AKAP7: variants seen among roughly 807,000 people sequenced by gnomAD.
AKAP7 encodes the protein A kinase (PRKA) anchor protein 7.
In AKAP7, 39 loss-of-function variants were observed where a neutral mutation model predicts 39.5. The ratio of observed to expected loss-of-function variants is 0.99; its 90% CI spans 0.76 to 1.29. AKAP7 has a LOEUF of 1.29. Among genes scored for constraint, AKAP7 ranks in the 50% most tolerant of loss-of-function variants. The probability of loss-of-function intolerance (pLI) is 0.00; values close to 1 mark genes in which losing one functional copy is unlikely to be tolerated. For synonymous variants in AKAP7, 140 were observed against 139.1 expected (o/e 1.01, Z -0.05); for missense variants, 414 against 407.7 (o/e 1.02, Z -0.13).
intron 7 of AKAP7, among the ~76,000 whole-genome samples, chr6:131,246,434 A>G (rs1434539950): frequency 1.3e-5 from 2 of 152,118 alleles, no homozygotes; most frequent in South Asian, 2.1e-4. Context: ...CATATCAGAT[A>G]TTTTTCCTCA....
chr6:131,226,545 A>G (rs1810182638), intron 7 of AKAP7, among the ~76,000 whole-genome samples: 1 of 152,240 alleles, frequency 6.6e-6, no homozygotes. Context: ...TTTTAGGATT[A>G]TGAAAGCTGT....
intron 5 of AKAP7, among the ~76,000 whole-genome samples, chr6:131,173,059 G>A (rs999373986): frequency 3.7e-4 from 56 of 152,006 alleles, no homozygotes; most frequent in African/African-American, 1.2e-3. Flanking sequence ...CAAAAAATTA[G>A]CAGGGTGTGA....
intron 7 of AKAP7, among the ~76,000 whole-genome samples, chr6:131,245,374 A>G (rs1393080087): frequency 2.7e-5 from 4 of 150,688 alleles, no homozygotes; most frequent in Admixed American, 6.6e-5. Flanking sequence ...CATCCCGAGT[A>G]GCTGGGATTA....
chr6:131,270,187 A>T (rs927585726), intron 7 of AKAP7, among the ~76,000 whole-genome samples: 1 of 152,234 alleles, frequency 6.6e-6, no homozygotes, highest in Non-Finnish European at 1.5e-5. Flanking sequence ...GATTGTGAAC[A>T]GTTCCATCAC....
chr6:131,254,677 A>G (rs1812704431), intron 7 of AKAP7, among the ~76,000 whole-genome samples: 1 of 152,210 alleles, frequency 6.6e-6, no homozygotes, highest in South Asian at 2.1e-4. Context: ...TAAGGACATC[A>G]CCTTCTAGGG....
At chr6:131,129,053 G>A in the AKAP7 span, among the ~76,000 whole-genome samples, 2 of 151,948 alleles carry the variant, frequency 1.3e-5, no homozygotes, top group African/African-American at 4.8e-5. Context: ...TTGGGAGGCC[G>A]AGGTGGGTGG....
Position 131,198,027 on chromosome 6 carries a change from A to C in AKAP7, c.590-1434A>C, listed in dbSNP as rs559744841. Among the ~76,000 whole-genome samples the C allele has an allele frequency of 2.0e-4, 30 of 152,268 alleles. 1 individual carries two copies. The South Asian group carries it at 6.2e-3, about 32-fold the overall frequency. Reference sequence around the variant, plus strand: ...AGCATTTTCTTTGAAACATATGACTACTTGAGATAATGGGAGTGCTAGAAG... The same window carrying C: ...AGCATTTTCTTTGAAACATATGACTCCTTGAGATAATGGGAGTGCTAGAAG... On this transcript the variant is annotated intron_variant, in intron 5 of 7. Transcript: ENST00000431975.
At chr6:131,240,823 G>T (rs1197409827) in intron 7 of AKAP7, among the ~76,000 whole-genome samples, 2 of 152,182 alleles carry the variant, frequency 1.3e-5, no homozygotes, top group East Asian at 3.9e-4. Flanking sequence ...TCTTTGACTG[G>T]GAAAGGGAAT....
chr6:131,169,152 A>G lies in AKAP7; in HGVS notation c.468A>G (p.Glu156=), dbSNP rs779460663. 59 of 1,613,554 alleles carry G rather than the reference A, an allele frequency of 3.7e-5. No homozygotes were observed. The highest frequency in any genetic ancestry group is 4.6e-5 in the Non-Finnish European group (54 of 1,179,668). ...DALLELKPFI[E]ELLQGKHLTL... The stretch of plus-strand genomic sequence containing the variant: ...TTTTGGAATTGAAACCATTCATAGA[A>G]GAACTCCTCCAGGGAAAACATTTGA... The change falls in exon 5 of 8, where the codon GAA becomes GAG. Residue 156 remains glutamate, a synonymous_variant. Coordinates refer to ENST00000431975, the MANE Select transcript of AKAP7 (RefSeq NM_016377.4).
chr6:131,245,439 G>T (rs567135782), intron 7 of AKAP7, among the ~76,000 whole-genome samples: 94 of 141,756 alleles, frequency 6.6e-4, no homozygotes, highest in South Asian at 1.8e-3. Flanking sequence ...TTTGTTTTTG[G>T]TTTTTTTTTT....
At position 131,248,556 on chromosome 6, in the gene AKAP7, G is replaced by T. The variant is rs1812214424; in HGVS notation, c.850+28748G>T. ...AAAATCATATAATGCTAGTACTGTA[G>T]AGGATCCTAATATGCCTACTGCCTT... On this transcript the variant is annotated intron_variant, in intron 7 of 7. Coordinates refer to ENST00000431975, the MANE Select transcript of AKAP7 (RefSeq NM_016377.4). Among the ~76,000 whole-genome samples, 5 of 152,172 alleles carry T rather than the reference G, an allele frequency of 3.3e-5. No individual in the cohort carries two copies. In the South Asian group the frequency reaches 1.0e-3, roughly 32 times the overall value.
intron 5 of AKAP7, among the ~76,000 whole-genome samples, chr6:131,170,373 A>C (rs1383432770): frequency 6.6e-6 from 1 of 152,160 alleles, no homozygotes; most frequent in African/African-American, 2.4e-5. Context: ...AAAAGAAAAA[A>C]AAAATAATAA....
intron 4 of AKAP7, among the ~76,000 whole-genome samples, chr6:131,168,253 TA>T (rs568913891): frequency 2.0e-5 from 3 of 150,456 alleles, no homozygotes; most frequent in African/African-American, 4.9e-5. Flanking sequence ...TATAAATAAT[TA>T]AAAAAAAATA....
At chr6:131,249,717 C>A (rs1421552301) in intron 7 of AKAP7, among the ~76,000 whole-genome samples, 3 of 152,122 alleles carry the variant, frequency 2.0e-5, no homozygotes, top group African/African-American at 7.2e-5. Context: ...TGTTTTGCTG[C>A]CCCTGAATTT....
At chr6:131,166,353 G>A (rs1285427432) in intron 4 of AKAP7, among the ~76,000 whole-genome samples, 1 of 151,204 alleles carries the variant, frequency 6.6e-6, no homozygotes, top group Admixed American at 6.6e-5. Flanking sequence ...GTTGAGAGAA[G>A]GGAGTAGTGC....
intron 3 of AKAP7, among the ~76,000 whole-genome samples, chr6:131,162,296 C>T (rs1340645931): frequency 6.6e-6 from 1 of 152,182 alleles, no homozygotes; most frequent in Non-Finnish European, 1.5e-5. Context: ...GAGTCCTGTC[C>T]GCAGCTTTTA....
chr6:131,205,639 G>T (rs1808025480), intron 6 of AKAP7, among the ~76,000 whole-genome samples: 1 of 152,178 alleles, frequency 6.6e-6, no homozygotes, highest in Non-Finnish European at 1.5e-5. Context: ...CCAAGTTAGA[G>T]AGCTGAGTTG....
chr6:131,261,206 C>A (rs1813295553), intron 7 of AKAP7, among the ~76,000 whole-genome samples: 1 of 122,784 alleles, frequency 8.1e-6, no homozygotes. Flanking sequence ...AAAACTCTGT[C>A]TCCAAAAAAA....
chr6:131,141,399 C>T (rs1801010955), intron 1 of AKAP7, among the ~76,000 whole-genome samples: 1 of 152,224 alleles, frequency 6.6e-6, no homozygotes, highest in Admixed American at 6.5e-5. Context: ...TCACCAGAAG[C>T]AGATGCTGGT....
Sources: gnomAD v4.1 joint callset for allele counts (sites outside exome capture counted in the v4.1 genomes callset) on GRCh38, gnomAD v4.1.1 for gene constraint, MANE v1.5 for transcripts, NCBI Gene and HGNC (gene_info 2026-07-23, HGNC 2026-07-21) for gene names.